NUP93: variants seen among roughly 807,000 people sequenced by gnomAD.
NUP93 encodes the protein nuclear pore complex protein Nup93.
In NUP93, 55 loss-of-function variants were observed where a neutral mutation model predicts 107.8. The ratio of observed to expected loss-of-function variants is 0.51; its 90% CI spans 0.41 to 0.64. The LOEUF (loss-of-function observed/expected upper bound fraction) is 0.64. Among genes scored for constraint, NUP93 ranks in the 30% least tolerant of loss-of-function variants. The pLI is 0.00. For synonymous variants in NUP93, 390 were observed against 397.5 expected (o/e 0.98, Z 0.22); for missense variants, 937 against 1,044.7 (o/e 0.90, Z 1.42).
intron 14 of NUP93, 56 bp downstream of exon 14, chr16:56,834,310 G>C: frequency 6.2e-7 from 1 of 1,613,504 alleles, no homozygotes; most frequent in Non-Finnish European, 8.5e-7. Context: ...GCCATTCTGA[G>C]AATGACTATT....
rs189023705 is a variant in NUP93 at position 56,802,651 on chromosome 16, C to T, written c.361-2853C>T. On this transcript the variant is annotated intron_variant, in intron 4 of 21. Coordinates refer to ENST00000308159, the MANE Select transcript of NUP93 (RefSeq NM_014669.5). ...TAATAAATATTGGTCTGAAACAAAA[C>T]ATCCCAATTGTAGGAAGAGTATATG... Among the ~76,000 whole-genome samples the T allele has an allele frequency of 2.1e-3, 317 of 152,282 alleles. 1 individual carries two copies. Among genetic ancestry groups the T allele is most frequent in the African/African-American group, 7.2e-3 (300 of 41,554 alleles).
chr16:56,835,965 A>T (rs1963900596), intron 16 of NUP93, among the ~76,000 whole-genome samples: 1 of 151,992 alleles, frequency 6.6e-6, no homozygotes, highest in Non-Finnish European at 1.5e-5. Context: ...TGTCTCTATT[A>T]AAAATACAAA....
At chr16:56,832,272 A>G (rs1224596651) in intron 11 of NUP93, 23 bp from the exon 12 acceptor site, 23 of 1,599,020 alleles carry the variant, frequency 1.4e-5, no homozygotes, top group Non-Finnish European at 1.5e-5. Context: ...GTACCAATGC[A>G]TGTGTTTCTC....
intron 8 of NUP93, among the ~76,000 whole-genome samples, chr16:56,828,184 C>T (rs545675898): frequency 1.5e-4 from 21 of 137,768 alleles, no homozygotes; most frequent in African/African-American, 5.8e-4. Flanking sequence ...CACAACAAGA[C>T]CCTGCCTCTT....
chr16:56,755,741 G>C (rs1381890327), intron 2 of NUP93, among the ~76,000 whole-genome samples: 1 of 152,058 alleles, frequency 6.6e-6, no homozygotes, highest in Non-Finnish European at 1.5e-5. Context: ...TGAGTGTGCT[G>C]GTGTGCATCT....
chr16:56,799,030 A>G (rs1252240398), intron 4 of NUP93, among the ~76,000 whole-genome samples: 1 of 152,142 alleles, frequency 6.6e-6, no homozygotes, highest in Non-Finnish European at 1.5e-5. Flanking sequence ...CTCTGTATGT[A>G]TTTAGTGACT....
In NUP93 at chr16:56,732,756, G is replaced by A. The variant is rs140375503; in HGVS notation, c.-15+2545G>A. 1.4e-3 allele frequency among the ~76,000 whole-genome samples: 207 copies of A among 152,334 alleles called. 1 individual carries two copies. Among genetic ancestry groups the A allele is most frequent in the African/African-American group, 4.8e-3 (200 of 41,576 alleles). ...ATGAAAAAGTTTATTTAAAGAATAT[G>A]GAGTTAGAGGGAAGATCTTTCACTG... On this transcript the variant is annotated intron_variant, in intron 1 of 21. Coordinates refer to ENST00000308159, the MANE Select transcript of NUP93 (RefSeq NM_014669.5).
intron 5 of NUP93, among the ~76,000 whole-genome samples, chr16:56,813,357 T>C (rs1963355589): frequency 6.6e-6 from 1 of 152,182 alleles, no homozygotes; most frequent in Admixed American, 6.5e-5. Flanking sequence ...GACTATTAGA[T>C]GAAATGAAAT....
chr16:56,759,724 C>T (rs1354089534), intron 3 of NUP93, among the ~76,000 whole-genome samples: 3 of 151,708 alleles, frequency 2.0e-5, no homozygotes, highest in Admixed American at 6.6e-5. Flanking sequence ...CTCCCCCGTA[C>T]AACTGCTTGA....
At chr16:56,746,930 T>C (rs1961829727) in intron 1 of NUP93, among the ~76,000 whole-genome samples, 1 of 151,920 alleles carries the variant, frequency 6.6e-6, no homozygotes, top group African/African-American at 2.4e-5. Flanking sequence ...AAAAAAAGTA[T>C]AACAAGAGCT....
intron 4 of NUP93, among the ~76,000 whole-genome samples, chr16:56,803,695 T>G (rs192203713): frequency 6.6e-6 from 1 of 151,784 alleles, no homozygotes; most frequent in East Asian, 1.9e-4. Context: ...AAAACCACAG[T>G]GAGATACCAC....
intron 3 of NUP93, among the ~76,000 whole-genome samples, chr16:56,797,822 C>G (rs371533277): frequency 7.9e-5 from 12 of 152,306 alleles, no homozygotes; most frequent in African/African-American, 2.6e-4. Context: ...TTGAAACTGT[C>G]AAATTTCAAA....
intron 21 of NUP93, chr16:56,842,555 CTTT>C (rs5817078): frequency 3.1e-3 from 1,270 of 414,136 alleles, no homozygotes; most frequent in East Asian, 5.6e-3. Flanking sequence ...ATGGTGTTTG[CTTT>C]TTTTTTTTTT....
chr16:56,770,408 G>A (rs1962297648), intron 3 of NUP93, among the ~76,000 whole-genome samples: 1 of 152,188 alleles, frequency 6.6e-6, no homozygotes, highest in South Asian at 2.1e-4. Context: ...TAAAGGGTGT[G>A]TTTTCACCCC....
At chr16:56,748,816 C>T (rs1961867601) in intron 2 of NUP93, among the ~76,000 whole-genome samples, 1 of 152,168 alleles carries the variant, frequency 6.6e-6, no homozygotes, top group African/African-American at 2.4e-5. Context: ...CTAGAGAGCA[C>T]TCAGTGATGA....
chr16:56,810,633 A>G (rs1963292817), intron 5 of NUP93, among the ~76,000 whole-genome samples: 1 of 152,174 alleles, frequency 6.6e-6, no homozygotes, highest in Non-Finnish European at 1.5e-5. Flanking sequence ...CAACACAGTG[A>G]GACTCTGTCT....
chr16:56,795,539 C>T (rs1261970820), intron 3 of NUP93, among the ~76,000 whole-genome samples: 3 of 152,162 alleles, frequency 2.0e-5, no homozygotes, highest in Non-Finnish European at 2.9e-5. Flanking sequence ...ATGACCATGC[C>T]ATTCGCCATC....
intron 3 of NUP93, among the ~76,000 whole-genome samples, chr16:56,767,136 G>A (rs1054493383): frequency 6.6e-6 from 1 of 152,194 alleles, no homozygotes; most frequent in East Asian, 1.9e-4. Context: ...GGTCTGCAGC[G>A]ATCACAAGAT....
chr16:56,839,126 A>G lies in NUP93; in HGVS notation c.2136+57A>G, dbSNP rs746213197. 4.8e-5 allele frequency: 57 copies of G among 1,199,268 alleles called. No homozygotes were observed. In the African/African-American group the frequency reaches 7.0e-4, roughly 15 times the overall value. The allele number at this position is 1,199,268 out of a possible 1,614,324, so 74.3% of individuals were successfully genotyped here. On this transcript the variant is annotated intron_variant, in intron 19 of 21. Coordinates refer to ENST00000308159, the MANE Select transcript of NUP93 (RefSeq NM_014669.5). ...GTTAATGTACACCCTCGAAAATTCAAAACACTTCATGGAATTTACTTAAAA... is the reference window on the plus strand; with the variant it reads ...GTTAATGTACACCCTCGAAAATTCAGAACACTTCATGGAATTTACTTAAAA...
Sources: gnomAD v4.1 joint callset for allele counts (sites outside exome capture counted in the v4.1 genomes callset) on GRCh38, gnomAD v4.1.1 for gene constraint, MANE v1.5 for transcripts, NCBI Gene and HGNC (gene_info 2026-07-23, HGNC 2026-07-21) for gene names.